The following SLC39A11 variants were observed in gnomAD, a reference collection of about 807,000 sequenced individuals.
SLC39A11 encodes the protein solute carrier family 39 member 11.
Under a neutral mutation model 36.1 loss-of-function variants are expected in SLC39A11, and 33 were observed. The observed-to-expected ratio is 0.91, with a 90% confidence interval of 0.69 to 1.22. SLC39A11 has a LOEUF of 1.22. Among genes scored for constraint, SLC39A11 ranks in the 50% most tolerant of loss-of-function variants. The pLI is 0.00. For synonymous variants in SLC39A11, 166 were observed against 170.3 expected (o/e 0.97, Z 0.20); for missense variants, 432 against 430.3 (o/e 1.00, Z -0.03).
At chr17:72,851,344 G>A (rs188642667) in intron 5 of SLC39A11, among the ~76,000 whole-genome samples, 8 of 152,334 alleles carry the variant, frequency 5.3e-5, no homozygotes, top group African/African-American at 1.9e-4. Context: ...GAGTGGGAGA[G>A]AGCATCCAGC....
chr17:72,741,986 G>A (rs2074726520), intron 6 of SLC39A11, among the ~76,000 whole-genome samples: 1 of 152,170 alleles, frequency 6.6e-6, no homozygotes, highest in African/African-American at 2.4e-5. Context: ...TGAATTGCTT[G>A]AGATCAGGAG....
intron 3 of SLC39A11, among the ~76,000 whole-genome samples, chr17:73,033,365 G>T (rs766450678): frequency 1.3e-5 from 2 of 152,172 alleles, no homozygotes; most frequent in Non-Finnish European, 2.9e-5. Flanking sequence ...GTAGAAACAT[G>T]AAGGAGAAGA....
intron 6 of SLC39A11, among the ~76,000 whole-genome samples, chr17:72,782,189 C>G (rs1054505765): frequency 2.0e-5 from 3 of 152,096 alleles, no homozygotes; most frequent in African/African-American, 7.2e-5. Flanking sequence ...AAGACAATCT[C>G]AGGACAGAGG....
At chr17:72,918,727 C>T (rs958947950) in intron 5 of SLC39A11, among the ~76,000 whole-genome samples, 3 of 152,162 alleles carry the variant, frequency 2.0e-5, no homozygotes, top group Non-Finnish European at 2.9e-5. Context: ...GCCTGCGGAG[C>T]ACCTCAAACC....
At chr17:72,987,930 G>A (rs1034253911) in intron 4 of SLC39A11, among the ~76,000 whole-genome samples, 3 of 152,180 alleles carry the variant, frequency 2.0e-5, no homozygotes, top group Admixed American at 2.0e-4. Context: ...CTCTTGGCAT[G>A]AATGGTTTAA....
chr17:72,742,651 T>A (rs1170011714), intron 6 of SLC39A11, among the ~76,000 whole-genome samples: 1 of 152,198 alleles, frequency 6.6e-6, no homozygotes, highest in East Asian at 1.9e-4. Flanking sequence ...TTGTTAAAAA[T>A]TTTCCTTTTT....
intron 6 of SLC39A11, among the ~76,000 whole-genome samples, chr17:72,803,408 A>C (rs894898939): frequency 6.6e-6 from 1 of 152,266 alleles, no homozygotes; most frequent in African/African-American, 2.4e-5. Flanking sequence ...CAGAATCTGC[A>C]CGTGGTTCAA....
intron 5 of SLC39A11, among the ~76,000 whole-genome samples, chr17:72,915,232 C>A (rs1375319719): frequency 1.3e-5 from 2 of 152,142 alleles, no homozygotes; most frequent in Non-Finnish European, 2.9e-5. Context: ...AGCCAACCAC[C>A]TCCTTATCAA....
chr17:73,031,757 G>C (rs754166896), intron 3 of SLC39A11, 43 bp from the exon 4 acceptor site: 1 of 1,602,110 alleles, frequency 6.2e-7, no homozygotes, highest in East Asian at 2.2e-5. Context: ...AGCAACTGCA[G>C]AAGGCTTTCC....
chr17:72,663,352 T>C (rs1028386500), intron 7 of SLC39A11, among the ~76,000 whole-genome samples: 4 of 152,186 alleles, frequency 2.6e-5, no homozygotes, highest in Admixed American at 6.5e-5. Context: ...TTTACTGCAG[T>C]TGAATGTATG....
At chr17:72,909,162 T>TG (rs2082830740) in intron 5 of SLC39A11, among the ~76,000 whole-genome samples, 1 of 152,168 alleles carries the variant, frequency 6.6e-6, no homozygotes, top group African/African-American at 2.4e-5. Context: ...TGGAGTAAAG[T>TG]GGGGCAGTTA....
intron 6 of SLC39A11, among the ~76,000 whole-genome samples, chr17:72,822,629 G>T (rs1229975354): frequency 1.3e-5 from 2 of 151,262 alleles, no homozygotes; most frequent in Non-Finnish European, 3.0e-5. Flanking sequence ...TCTCACCAGG[G>T]AGAGAAGGGT....
chr17:72,832,198 A>C (rs2116331), intron 6 of SLC39A11, among the ~76,000 whole-genome samples: 82,129 of 151,980 alleles, frequency 0.54, 23,062 homozygotes, highest in Middle Eastern at 0.63. Flanking sequence ...GGCAGGTAAT[A>C]CCCAAAACAT....
intron 3 of SLC39A11, among the ~76,000 whole-genome samples, chr17:73,065,795 T>G (rs903107): frequency 1.3e-5 from 2 of 151,976 alleles, no homozygotes; most frequent in Admixed American, 1.3e-4. Flanking sequence ...GGGCTTCAAA[T>G]TTTTTCCACC....
At chr17:72,902,934 A>G (rs1286203376) in intron 5 of SLC39A11, among the ~76,000 whole-genome samples, 1 of 138,014 alleles carries the variant, frequency 7.2e-6, no homozygotes, top group Non-Finnish European at 1.5e-5. Flanking sequence ...TTAGTCAAAG[A>G]TGATAAATTG....
chr17:72,869,843 A>C lies in SLC39A11; in HGVS notation c.431-20039T>G, dbSNP rs549079980. Among the ~76,000 whole-genome samples, 450 of 152,350 alleles carry C rather than the reference A, an allele frequency of 3.0e-3. 2 individuals are homozygous for C. The highest frequency in any genetic ancestry group is 0.01 in the African/African-American group (430 of 41,586). On this transcript the variant is annotated intron_variant, in intron 5 of 9. Transcript: ENST00000255559. ...TGCAAATAGAACAGAAAAAGCTGAA[A>C]TAAAAACCAGAACTGTCTCTCCCCT... is the stretch of plus-strand genomic sequence containing the variant.
At chr17:72,665,867 TTGTTTA>T in intron 7 of SLC39A11, among the ~76,000 whole-genome samples, 1 of 152,310 alleles carries the variant, frequency 6.6e-6, no homozygotes, top group African/African-American at 2.4e-5. Flanking sequence ...AAGGTATTAA[TTGTTTA>T]TGTTTATTAT....
chr17:72,717,377 A>G (rs1015637890), intron 7 of SLC39A11, among the ~76,000 whole-genome samples: 2 of 152,130 alleles, frequency 1.3e-5, no homozygotes, highest in African/African-American at 4.8e-5. Flanking sequence ...CCTGGAGGCC[A>G]GAAGTCCAAG....
At chr17:72,929,258 T>A (rs888078199) in intron 5 of SLC39A11, among the ~76,000 whole-genome samples, 2 of 152,146 alleles carry the variant, frequency 1.3e-5, no homozygotes, top group African/African-American at 4.8e-5. Context: ...TTCTGCCCCA[T>A]GCACACATTG....
Sources: gnomAD v4.1 joint callset for allele counts (sites outside exome capture counted in the v4.1 genomes callset) on GRCh38, gnomAD v4.1.1 for gene constraint, MANE v1.5 for transcripts, NCBI Gene and HGNC (gene_info 2026-07-23, HGNC 2026-07-21) for gene names.